TOP3A: variants seen among roughly 807,000 people sequenced by gnomAD.
TOP3A encodes DNA topoisomerase III alpha.
Under a neutral mutation model 111.3 loss-of-function variants are expected in TOP3A, and 64 were observed. The observed-to-expected ratio is 0.57, with a 90% CI of 0.47 to 0.71. The LOEUF (loss-of-function observed/expected upper bound fraction) is 0.71, where lower values mean the gene tolerates loss of function less well. Ranked by LOEUF, TOP3A falls within the 30% of genes least tolerant of loss-of-function variation. The pLI is 0.00. For missense variants in TOP3A, 1,104 were observed against 1,285.0 expected, an observed-to-expected ratio of 0.86 and a Z score of 2.15; for synonymous variants, 484 against 485.1, an observed-to-expected ratio of 1.00 and a Z score of 0.03.
rs147447113 is a variant in TOP3A, at chr17:18,278,287, C to T, written c.2215G>A (p.Gly739Arg). 7.5e-4 allele frequency: 1,142 copies of T among 1,526,692 alleles called. No homozygotes were observed. Among genetic ancestry groups the T allele is most frequent in the Non-Finnish European group, 9.1e-4 (1,036 of 1,137,444 alleles). The allele number at this position is 1,526,692 out of a possible 1,614,324, so 94.6% of individuals were successfully genotyped here. A position where few individuals can be genotyped will look rare whatever the true frequency, so the allele number is the denominator to read the frequency against. ...MPLEFVCCIG[G>R]CDDTLREILD... ...ATCTCCCTCAGGGTGTCGTCGCATC[C>T]GCCGATGCAGCAAACAAACTCCAGA... The change falls in exon 18 of 19, where the codon GGA (glycine) becomes AGA (arginine). Residue 739 changes from glycine to arginine, a missense_variant. Coordinates refer to ENST00000321105, the MANE Select transcript of TOP3A (RefSeq NM_004618.5).
chr17:18,295,783 T>C (rs1456634206), intron 9 of TOP3A, among the ~76,000 whole-genome samples: 2 of 147,824 alleles, frequency 1.4e-5, no homozygotes, highest in African/African-American at 5.0e-5. Context: ...TTTTTTTTTT[T>C]TCACATGGAG....
intron 9 of TOP3A, among the ~76,000 whole-genome samples, chr17:18,296,607 G>A (rs1352324810): frequency 6.6e-6 from 1 of 151,966 alleles, no homozygotes; most frequent in Admixed American, 6.6e-5. Context: ...CAAACAAAAT[G>A]CATAACTTCC....
chr17:18,282,742 T>G lies in TOP3A; in HGVS notation c.1977A>C (p.Pro659=), dbSNP rs771975621. ...PAMPEPIRKC[P]QCNKDMVLKT... ...TAAGGACCATGTCCTTGTTGCACTG[T>G]GGGCACTTCCTGATGGGCTCTGGCA... Residue 659 remains proline (P), a synonymous_variant, in exon 16 of 19, where the codon CCA becomes CCC. Transcript: ENST00000321105. 1 of 1,614,106 alleles carries G rather than the reference T, an allele frequency of 6.2e-7. No individual in the cohort carries two copies. Among genetic ancestry groups the G allele is most frequent in the Non-Finnish European group, 8.5e-7 (1 of 1,180,008 alleles).
At chr17:18,300,040 C>T (rs1315359433) in intron 8 of TOP3A, among the ~76,000 whole-genome samples, 1 of 152,074 alleles carries the variant, frequency 6.6e-6, no homozygotes, top group Non-Finnish European at 1.5e-5. Context: ...AGCAATACTC[C>T]CATAAGCCAC....
intron 16 of TOP3A, among the ~76,000 whole-genome samples, chr17:18,281,070 A>G (rs1979727836): frequency 6.6e-6 from 1 of 152,224 alleles, no homozygotes; most frequent in Non-Finnish European, 1.5e-5. Flanking sequence ...GATGGGAGCC[A>G]GGAATGGAAA....
Position 18,297,656 on chromosome 17 carries a change from C to T in TOP3A, c.990+1903G>A, listed in dbSNP as rs562466731. Among the ~76,000 whole-genome samples the T allele has an allele frequency of 4.6e-5, 7 of 152,142 alleles. No homozygotes were observed. The East Asian group carries it at 9.7e-4, about 21-fold the overall frequency. ...GCTGGGCTGGTCTCCAGCTCCTAAC[C>T]GCTAGTGATCCGCCAGCCTCGGCAT... is the stretch of plus-strand genomic sequence containing the variant. On this transcript the variant is annotated intron_variant, in intron 9 of 18. Coordinates refer to ENST00000321105, the MANE Select transcript of TOP3A (RefSeq NM_004618.5).
At position 18,282,717 on chromosome 17, in the gene TOP3A, T is replaced by C; in HGVS notation, c.2002A>G (p.Lys668Glu). The C allele has an allele frequency of 6.2e-7, 1 of 1,613,804 alleles. No individual in the cohort carries two copies. The highest frequency in any genetic ancestry group is 1.7e-4 in the Middle Eastern group (1 of 5,824). Reference protein sequence around the residue: ...CPQCNKDMVLKTKKNGGFYLS... With the variant: ...CPQCNKDMVLETKKNGGFYLS... Reference sequence around the variant, plus strand: ...ACTCACCCGCCATTCTTCTTGGTCTTAAGGACCATGTCCTTGTTGCACTGT... The same window carrying C: ...ACTCACCCGCCATTCTTCTTGGTCTCAAGGACCATGTCCTTGTTGCACTGT... Residue 668 changes from lysine (K) to glutamate (E), a missense_variant, in exon 16 of 19, where the codon AAG becomes GAG. By Grantham distance (56) the Lys-to-Glu change is moderately conservative. Transcript: ENST00000321105.
chr17:18,298,593 AGGTTTTGT>A (rs956793597), intron 9 of TOP3A, among the ~76,000 whole-genome samples: 1 of 151,084 alleles, frequency 6.6e-6, no homozygotes, highest in African/African-American at 2.4e-5. Context: ...ATGACAATGG[AGGTTTTGT>A]GGAATAGAAA....
chr17:18,303,822 C>T (rs1437408095), intron 5 of TOP3A, among the ~76,000 whole-genome samples: 4 of 152,068 alleles, frequency 2.6e-5, no homozygotes, highest in Non-Finnish European at 4.4e-5. Flanking sequence ...TGCTGAGCGC[C>T]GGTCCCCTGG....
chr17:18,301,635 C>T (rs897524935), intron 8 of TOP3A, among the ~76,000 whole-genome samples: 13 of 152,208 alleles, frequency 8.5e-5, no homozygotes, highest in Non-Finnish European at 1.5e-4. Flanking sequence ...ATAGTATATG[C>T]CCCAAGAGGG....
intron 11 of TOP3A, among the ~76,000 whole-genome samples, chr17:18,292,165 C>T (rs1018275112): frequency 4.6e-5 from 7 of 152,256 alleles, no homozygotes; most frequent in African/African-American, 1.7e-4. Flanking sequence ...AGCCTAATGG[C>T]TCCTGTGCCT....
intron 18 of TOP3A, 116 bp downstream of exon 18, chr17:18,277,559 G>A (rs1979454461): frequency 1.7e-6 from 2 of 1,200,996 alleles, no homozygotes; most frequent in Non-Finnish European, 2.3e-6. Context: ...AGGCAGCCCA[G>A]GTGCCCCTCC....
Position 18,274,791 on chromosome 17 carries a change from C to CT in TOP3A, c.*10dup. ...GTCTGAGAAAGTGGCGTTCTCTACC[C>CT]TACCCTGAGCTCATCTGTTCTGAGG... On this transcript the variant is annotated 3_prime_UTR_variant, in exon 19 of 19. Coordinates refer to ENST00000321105, the MANE Select transcript of TOP3A (RefSeq NM_004618.5). The CT allele has an allele frequency of 6.2e-7, 1 of 1,610,806 alleles. No individual in the cohort carries two copies. Among genetic ancestry groups the CT allele is most frequent in the African/African-American group, 1.3e-5 (1 of 74,902 alleles).
rs1426944273 is a variant in TOP3A at position 18,273,616 on chromosome 17, A to C, written c.*1186T>G. Among the ~76,000 whole-genome samples, 2 of 152,142 alleles carry C rather than the reference A, an allele frequency of 1.3e-5. No homozygotes were observed. The highest frequency in any genetic ancestry group is 2.9e-5 in the Non-Finnish European group (2 of 68,024). On this transcript the variant is annotated 3_prime_UTR_variant, in exon 19 of 19. Coordinates refer to ENST00000321105, the MANE Select transcript of TOP3A (RefSeq NM_004618.5). Reference sequence around the variant, plus strand: ...GCACTCTCGCAGGTCAGAGTAAAAAAAGGTTGGATTCTTTCATTTTAAAAA... The same window carrying C: ...GCACTCTCGCAGGTCAGAGTAAAAACAGGTTGGATTCTTTCATTTTAAAAA...
rs550983270 is a variant in TOP3A at position 18,271,445 on chromosome 17, T to C, written c.*3357A>G. 1.9e-5 allele frequency: 3 copies of C among 156,102 alleles called. No homozygotes were observed. The highest frequency in any genetic ancestry group is 7.2e-5 in the African/African-American group (3 of 41,556). 9.7% of individuals were successfully genotyped at this position (156,102 alleles called of 1,614,324 possible). A position where few individuals can be genotyped will look rare whatever the true frequency, so the allele number is the denominator to read the frequency against. On this transcript the variant is annotated 3_prime_UTR_variant, in exon 19 of 19. Transcript: ENST00000321105. ...CCAACAGGTTTGATTTGTGAAGCTT[T>C]AATTTGCAGTCGTGCCTGACCGTAA...
chr17:18,307,237 C>T (rs1287604141), intron 3 of TOP3A: 1 of 323,738 alleles, frequency 3.1e-6, no homozygotes, highest in African/African-American at 2.1e-5. Flanking sequence ...TTGAGGAACA[C>T]CAAAAGTGAC....
At chr17:18,288,259 T>C (rs1030622879) in intron 13 of TOP3A, among the ~76,000 whole-genome samples, 7 of 150,098 alleles carry the variant, frequency 4.7e-5, no homozygotes, top group African/African-American at 1.7e-4. Context: ...TTCAAGCAAT[T>C]CTCCTGCCTC....
intron 1 of TOP3A, among the ~76,000 whole-genome samples, chr17:18,309,990 G>C (rs1177058522): frequency 1.3e-5 from 2 of 151,574 alleles, no homozygotes; most frequent in Non-Finnish European, 2.9e-5. Flanking sequence ...GATTACAGGT[G>C]TGAGCCACCA....
chr17:18,284,264 G>A (rs571122002), intron 15 of TOP3A, among the ~76,000 whole-genome samples: 8 of 151,468 alleles, frequency 5.3e-5, no homozygotes, highest in South Asian at 4.2e-4. Flanking sequence ...TACCCGCCTC[G>A]GCCTCCCAAA....
Sources: gnomAD v4.1 joint callset for allele counts (sites outside exome capture counted in the v4.1 genomes callset) on GRCh38, gnomAD v4.1.1 for gene constraint, MANE v1.5 for transcripts, NCBI Gene and HGNC (gene_info 2026-07-23, HGNC 2026-07-21) for gene names.